Variants in NFATC2 observed in about 807,000 individuals in gnomAD.
The protein encoded by NFATC2 is nuclear factor of activated T cells 2.
A neutral mutation model predicts 87.3 loss-of-function variants in NFATC2; 22 were observed. That is an observed-to-expected ratio of 0.25 (90% CI 0.18 to 0.36). The LOEUF (loss-of-function observed/expected upper bound fraction) is 0.36. Among genes scored for constraint, NFATC2 ranks in the 10% least tolerant of loss-of-function variants. NFATC2 has a pLI of 1.00. For synonymous variants in NFATC2, 565 were observed against 542.2 expected, an observed-to-expected ratio of 1.04 and a Z score of -0.58; for missense variants, 1,149 against 1,259.1, an observed-to-expected ratio of 0.91 and a Z score of 1.32.
Position 51,475,556 on chromosome 20 carries a change from G to A in NFATC2, c.1437C>T (p.Ile479=), listed in dbSNP as rs866856264. 1 of 1,614,134 alleles carries A rather than the reference G, an allele frequency of 6.2e-7. No homozygotes were observed. Among genetic ancestry groups the A allele is most frequent in the Non-Finnish European group, 8.5e-7 (1 of 1,180,040 alleles). The change falls in exon 4 of 11, where the codon ATC becomes ATT. Residue 479 remains isoleucine (I), a synonymous_variant. Coordinates refer to ENST00000371564, the MANE Select transcript of NFATC2 (RefSeq NM_012340.5). ...KPHAFYQVHR[I]TGKTVTTTSY... is the part of the protein sequence containing the mutation. ...TGGTGGTGGTGACAGTTTTCCCCGT[G>A]ATTCGGTGCACCTGGTAGAAGGCGT...
At chr20:51,559,363 T>C (rs1389134761) in intron 1 of NFATC2, among the ~76,000 whole-genome samples, 1 of 152,222 alleles carries the variant, frequency 6.6e-6, no homozygotes, top group Non-Finnish European at 1.5e-5. Context: ...TTCCAGCATA[T>C]GTCAGGGAAC....
intron 5 of NFATC2, among the ~76,000 whole-genome samples, chr20:51,469,344 C>G (rs945478962): frequency 6.6e-6 from 1 of 152,132 alleles, no homozygotes; most frequent in South Asian, 2.1e-4. Flanking sequence ...AATACAACTC[C>G]CGGGTAATTC....
At chr20:51,475,371 T>C (rs1988618953) in intron 4 of NFATC2, 87 bp downstream of exon 4, 2 of 1,289,272 alleles carry the variant, frequency 1.6e-6, no homozygotes, top group East Asian at 2.3e-5. Context: ...CCATCAGTTC[T>C]GTAGAGTCCC....
chr20:51,425,395 A>T (rs111520294), intron 9 of NFATC2, among the ~76,000 whole-genome samples: 93 of 152,344 alleles, frequency 6.1e-4, no homozygotes, highest in African/African-American at 2.2e-3. Context: ...AGCAAGGCCT[A>T]CGCTGAGATA....
chr20:51,532,951 A>G lies in NFATC2; in HGVS notation c.131-8841T>C, dbSNP rs113197963. Among the ~76,000 whole-genome samples the G allele has an allele frequency of 5.4e-3, 827 of 152,310 alleles. 9 individuals are homozygous for G. The highest frequency in any genetic ancestry group is 0.019 in the African/African-American group (795 of 41,566). On this transcript the variant is annotated intron_variant, in intron 1 of 10. Transcript: ENST00000371564. The stretch of plus-strand genomic sequence containing the variant: ...CCCCTCCGATGGGCAGCAGGGCCAC[A>G]GGGCTCCACTGATCCCTGGCCAAGC...
In NFATC2 at chr20:51,396,084, A is replaced by G. The variant is rs183694143; in HGVS notation, c.*44+2559T>C. On this transcript the variant is annotated intron_variant, in intron 10 of 10. Coordinates refer to ENST00000371564, the MANE Select transcript of NFATC2 (RefSeq NM_012340.5). Reference sequence around the variant, plus strand: ...TATATATATATATATATATATATATATATATATATAAGCTAATGGCAAAGA... The same window carrying G: ...TATATATATATATATATATATATATGTATATATATAAGCTAATGGCAAAGA... Among the ~76,000 whole-genome samples the G allele has an allele frequency of 3.6e-3, 330 of 92,400 alleles. 11 individuals are homozygous for G. Among genetic ancestry groups the G allele is most frequent in the African/African-American group, 0.015 (315 of 21,642 alleles). The allele number at this position is 92,400 out of a possible 152,430, so 60.6% of individuals were successfully genotyped here.
intron 6 of NFATC2, among the ~76,000 whole-genome samples, chr20:51,442,335 G>A (rs1446960808): frequency 6.6e-6 from 1 of 152,168 alleles, no homozygotes; most frequent in South Asian, 2.1e-4. Context: ...AGGAGGCTGA[G>A]GCATGAGAAT....
At chr20:51,468,941 C>T (rs1477162773) in intron 5 of NFATC2, among the ~76,000 whole-genome samples, 3 of 152,292 alleles carry the variant, frequency 2.0e-5, no homozygotes, top group Middle Eastern at 3.4e-3. Context: ...ATCAGAATCA[C>T]TGGGAGACCT....
chr20:51,532,856 G>A (rs1261493610), intron 1 of NFATC2, among the ~76,000 whole-genome samples: 4 of 152,250 alleles, frequency 2.6e-5, no homozygotes, highest in Admixed American at 2.6e-4. Flanking sequence ...GGGAGGGGCA[G>A]AGGCAAATGG....
chr20:51,401,493 A>G (rs1988040552), intron 9 of NFATC2, among the ~76,000 whole-genome samples: 2 of 152,216 alleles, frequency 1.3e-5, no homozygotes, highest in African/African-American at 4.8e-5. Flanking sequence ...GTTTCCCTAC[A>G]TATTTAAATG....
At chr20:51,443,462 C>A (rs1229426179) in intron 6 of NFATC2, among the ~76,000 whole-genome samples, 1 of 152,188 alleles carries the variant, frequency 6.6e-6, no homozygotes, top group African/African-American at 2.4e-5. Flanking sequence ...CCTCTCCAGC[C>A]GCAGGACCCT....
chr20:51,528,634 G>A (rs1056473129), intron 1 of NFATC2, among the ~76,000 whole-genome samples: 14 of 152,194 alleles, frequency 9.2e-5, no homozygotes, highest in African/African-American at 2.7e-4. Flanking sequence ...CAGTGGCATG[G>A]CAGAAAGGAG....
Position 51,391,203 on chromosome 20 carries a change from G to A in NFATC2, c.*293C>T, listed in dbSNP as rs774127532. On this transcript the variant is annotated 3_prime_UTR_variant, in exon 11 of 11. Transcript: ENST00000371564. ...CTCTCTGGGATTTAAAACATAAACC[G>A]AAAAGAAGAGTTCTCTCTGGTGTTT... is the stretch of plus-strand genomic sequence containing the variant. 3.3e-5 allele frequency: 23 copies of A among 705,678 alleles called. No individual in the cohort carries two copies. Among genetic ancestry groups the A allele is most frequent in the Middle Eastern group, 3.6e-4 (1 of 2,772 alleles). 43.7% of individuals were successfully genotyped at this position (705,678 alleles called of 1,614,324 possible).
chr20:51,458,499 A>T (rs1057323895), intron 5 of NFATC2, among the ~76,000 whole-genome samples: 5 of 145,300 alleles, frequency 3.4e-5, no homozygotes, highest in African/African-American at 1.3e-4. Context: ...TTTTATCTTA[A>T]AAAAAAAAAA....
intron 5 of NFATC2, among the ~76,000 whole-genome samples, chr20:51,462,344 G>C (rs1007792130): frequency 6.6e-6 from 1 of 151,864 alleles, no homozygotes; most frequent in Non-Finnish European, 1.5e-5. Context: ...TACTTGGGAG[G>C]CTGAGGCAGG....
chr20:51,485,811 A>G (rs747064), intron 3 of NFATC2, among the ~76,000 whole-genome samples: 132,413 of 152,178 alleles, frequency 0.87, 57,720 homozygotes, highest in East Asian at 0.94. Context: ...TGTCACAAGC[A>G]ATCAATATTA....
chr20:51,528,278 A>C, intron 1 of NFATC2, among the ~76,000 whole-genome samples: 1 of 152,192 alleles, frequency 6.6e-6, no homozygotes, highest in East Asian at 1.9e-4. Context: ...AGCTACAAAA[A>C]GGCCTGAAGA....
At chr20:51,474,246 G>T in intron 4 of NFATC2, 94 bp from the exon 5 acceptor site, 2 of 1,464,054 alleles carry the variant, frequency 1.4e-6, no homozygotes, top group Non-Finnish European at 1.9e-6. Context: ...AGTCACTGGG[G>T]GAAACTGCAA....
rs976126859 is a variant in NFATC2, at chr20:51,475,317, G to A, written c.1535+141C>T. ...AAACATTTAAAACAGAAATCACAACGGGTCGATGGATCACAGACTGAGAAC... is the reference window on the plus strand; with the variant it reads ...AAACATTTAAAACAGAAATCACAACAGGTCGATGGATCACAGACTGAGAAC... On this transcript the variant is annotated intron_variant, in intron 4 of 10. Coordinates refer to ENST00000371564, the MANE Select transcript of NFATC2 (RefSeq NM_012340.5). 1.5e-5 allele frequency: 12 copies of A among 800,956 alleles called. No homozygotes were observed. In the Admixed American group the frequency reaches 1.7e-4, roughly 11 times the overall value. The allele number at this position is 800,956 out of a possible 1,614,324, so 49.6% of individuals were successfully genotyped here. A position where few individuals can be genotyped will look rare whatever the true frequency, so the allele number is the denominator to read the frequency against.
Sources: allele counts gnomAD v4.1 joint callset (sites outside exome capture counted in the v4.1 genomes callset), GRCh38; gene constraint gnomAD v4.1.1; transcripts MANE v1.5; gene names NCBI Gene and HGNC (gene_info 2026-07-23, HGNC 2026-07-21).